Variants in TTC28 observed in about 807,000 individuals in gnomAD.
TTC28 encodes tetratricopeptide repeat protein 28.
TTC28 carries 61 observed loss-of-function variants against 198.0 expected under a neutral mutation model. The observed-to-expected ratio is 0.31, with a 90% CI of 0.25 to 0.38. The LOEUF (loss-of-function observed/expected upper bound fraction) is 0.38, where lower values mean the gene tolerates loss of function less well. Ranked by LOEUF, TTC28 falls within the 10% of genes least tolerant of loss-of-function variation. TTC28 has a pLI of 1.00. For synonymous variants in TTC28, 1,171 were observed against 1,297.8 expected, an observed-to-expected ratio of 0.90 and a Z score of 2.10; for missense variants, 2,678 against 3,164.0, an observed-to-expected ratio of 0.85 and a Z score of 3.69.
rs77242046 is a variant in TTC28 at position 28,217,273 on chromosome 22, AAT to A, written c.934-53676_934-53675del. 2.1e-4 allele frequency among the ~76,000 whole-genome samples: 31 copies of A among 150,674 alleles called. No individual in the cohort carries two copies. The South Asian group carries it at 3.3e-3, about 16-fold the overall frequency. ...ATATACCTACTATGCACATGCAAAA[AAT>A]AAAAATAAAAAACTGAGTGCCAGAA... On this transcript the variant is annotated intron_variant, in intron 5 of 22. Coordinates refer to ENST00000397906, the MANE Select transcript of TTC28 (RefSeq NM_001145418.2).
intron 5 of TTC28, among the ~76,000 whole-genome samples, chr22:28,229,794 A>T (rs1483468441): frequency 6.6e-6 from 1 of 152,198 alleles, no homozygotes; most frequent in Non-Finnish European, 1.5e-5. Flanking sequence ...ACACAGCATA[A>T]CTGCCCAGAA....
chr22:28,413,625 A>G (rs1465799009), intron 2 of TTC28, among the ~76,000 whole-genome samples: 4 of 152,206 alleles, frequency 2.6e-5, no homozygotes, highest in Admixed American at 2.6e-4. Context: ...AGAAAAACAT[A>G]ACTTATTTTA....
chr22:28,034,972 C>T (rs1194666782), intron 12 of TTC28, among the ~76,000 whole-genome samples: 1 of 152,196 alleles, frequency 6.6e-6, no homozygotes, highest in Admixed American at 6.5e-5. Flanking sequence ...GAATCAAGCA[C>T]CTTGGAGCTG....
intron 6 of TTC28, among the ~76,000 whole-genome samples, chr22:28,159,039 T>A (rs1004135919): frequency 2.0e-5 from 3 of 152,292 alleles, no homozygotes; most frequent in Admixed American, 6.5e-5. Context: ...ATAACCAGAA[T>A]ATATAAGGCA....
At chr22:28,192,797 G>A (rs948200774) in intron 5 of TTC28, among the ~76,000 whole-genome samples, 1 of 152,144 alleles carries the variant, frequency 6.6e-6, no homozygotes, top group African/African-American at 2.4e-5. Context: ...TATGAGAAAA[G>A]ACCAAATCTA....
intron 1 of TTC28, among the ~76,000 whole-genome samples, chr22:28,645,530 G>A (rs2051447534): frequency 6.6e-6 from 1 of 151,848 alleles, no homozygotes; most frequent in Admixed American, 6.6e-5. Flanking sequence ...AGGAGGCTGA[G>A]GCAGGAGAAT....
chr22:28,619,397 G>GA (rs1470942106), intron 2 of TTC28, among the ~76,000 whole-genome samples: 1 of 152,204 alleles, frequency 6.6e-6, no homozygotes, highest in African/African-American at 2.4e-5. Flanking sequence ...AACCTAGATT[G>GA]AATTCCAAAG....
chr22:28,520,957 G>A (rs2048892870), intron 2 of TTC28, among the ~76,000 whole-genome samples: 1 of 152,102 alleles, frequency 6.6e-6, no homozygotes, highest in Non-Finnish European at 1.5e-5. Context: ...GGAGCCTGAG[G>A]CAGGAGAATC....
In TTC28 at chr22:28,091,010, C is replaced by T. The variant is rs531539928; in HGVS notation, c.3932+3070G>A. Reference sequence around the variant, plus strand: ...AGCCCAACAAAGTGATGCTGAGTGTCAAGCCACATAACCTGCTAGAGATCC... The same window carrying T: ...AGCCCAACAAAGTGATGCTGAGTGTTAAGCCACATAACCTGCTAGAGATCC... On this transcript the variant is annotated intron_variant, in intron 12 of 22. Transcript: ENST00000397906. Among the ~76,000 whole-genome samples the T allele has an allele frequency of 2.5e-3, 380 of 152,302 alleles. 3 individuals are homozygous for T. Among genetic ancestry groups the T allele is most frequent in the Middle Eastern group, 0.017 (5 of 294 alleles).
At chr22:28,141,865 A>C (rs1489657268) in intron 6 of TTC28, among the ~76,000 whole-genome samples, 9 of 152,224 alleles carry the variant, frequency 5.9e-5, no homozygotes, top group Non-Finnish European at 2.9e-5. Flanking sequence ...TCACCAAGAA[A>C]AGCCACATCA....
chr22:28,170,310 A>T (rs1922531050), intron 5 of TTC28, among the ~76,000 whole-genome samples: 1 of 151,554 alleles, frequency 6.6e-6, no homozygotes, highest in African/African-American at 2.4e-5. Context: ...ACACGGTGAA[A>T]CCCCGTCTCT....
intron 2 of TTC28, among the ~76,000 whole-genome samples, chr22:28,401,758 A>G (rs978111072): frequency 5.3e-5 from 8 of 152,220 alleles, no homozygotes; most frequent in Non-Finnish European, 1.2e-4. Context: ...AACAAAAGCG[A>G]GACCCCATCT....
intron 14 of TTC28, among the ~76,000 whole-genome samples, chr22:28,011,334 G>A (rs977911199): frequency 2.0e-5 from 3 of 152,158 alleles, no homozygotes; most frequent in South Asian, 4.1e-4. Flanking sequence ...GGTGGTTCAC[G>A]CCCGTAATGC....
At chr22:28,099,133 T>G (rs1942063771) in intron 9 of TTC28, 89 bp from the exon 10 acceptor site, 1 of 1,482,394 alleles carries the variant, frequency 6.7e-7, no homozygotes, top group Non-Finnish European at 9.1e-7. Context: ...CTCATATCTT[T>G]GTGCACAACC....
intron 2 of TTC28, among the ~76,000 whole-genome samples, chr22:28,359,290 T>C (rs929852318): frequency 6.6e-6 from 1 of 152,172 alleles, no homozygotes; most frequent in African/African-American, 2.4e-5. Context: ...ATAAGAATCA[T>C]ATCAGAAGAA....
At chr22:28,059,137 C>T (rs1368745645) in intron 12 of TTC28, among the ~76,000 whole-genome samples, 1 of 151,706 alleles carries the variant, frequency 6.6e-6, no homozygotes, top group Non-Finnish European at 1.5e-5. Flanking sequence ...CTTCTTTCTA[C>T]TTAATTTTGG....
At chr22:28,525,448 T>TC (rs2048988845) in intron 2 of TTC28, among the ~76,000 whole-genome samples, 1 of 152,166 alleles carries the variant, frequency 6.6e-6, no homozygotes, top group Admixed American at 6.5e-5. Flanking sequence ...AGCCACCTCA[T>TC]CCAGCCTCCT....
intron 1 of TTC28, among the ~76,000 whole-genome samples, chr22:28,636,182 G>C (rs1014480008): frequency 1.4e-5 from 2 of 139,390 alleles, no homozygotes; most frequent in Non-Finnish European, 3.0e-5. Context: ...CTGGAGGGCA[G>C]TGGCACGATC....
At chr22:28,465,561 T>G (rs1601431602) in intron 2 of TTC28, among the ~76,000 whole-genome samples, 1 of 151,902 alleles carries the variant, frequency 6.6e-6, no homozygotes, top group South Asian at 2.1e-4. Flanking sequence ...GGAGTGGAAG[T>G]TGCAGTGAGC....
Sources: gnomAD v4.1 joint callset for allele counts (sites outside exome capture counted in the v4.1 genomes callset) on GRCh38, gnomAD v4.1.1 for gene constraint, MANE v1.5 for transcripts, NCBI Gene and HGNC (gene_info 2026-07-23, HGNC 2026-07-21) for gene names.